The following CDH23 variants were observed in gnomAD, a reference collection of about 807,000 sequenced individuals.
The protein encoded by CDH23 is cadherin related 23.
In CDH23, 189 loss-of-function variants were observed where a neutral mutation model predicts 317.1. The ratio of observed to expected loss-of-function variants is 0.60; its 90% confidence interval spans 0.53 to 0.67. CDH23 has a LOEUF of 0.67. Among genes scored for constraint, CDH23 ranks in the 30% least tolerant of loss-of-function variants. CDH23 has a pLI of 0.00. For missense variants in CDH23, 4,401 were observed against 4,592.4 expected, an observed-to-expected ratio of 0.96 and a Z score of 1.20; for synonymous variants, 1,839 against 1,876.8, an observed-to-expected ratio of 0.98 and a Z score of 0.52.
At position 71,439,897 on chromosome 10, in the gene CDH23, G is replaced by C. The variant is rs1479271521; in HGVS notation, c.66G>C (p.Trp22Cys). 17 of 1,571,336 alleles carry C rather than the reference G, an allele frequency of 1.1e-5. No individual in the cohort carries two copies. The highest frequency in any genetic ancestry group is 1.4e-5 in the Non-Finnish European group (16 of 1,157,162). ...AWLLVLISGC[W>C]GQVNRLPFFT... ...TTTTGGTGCTGATCTCTGGATGCTG[G>C]GGTAAGTCCAGTCCTCCCCGTGTCT... Residue 22 changes from tryptophan to cysteine, a missense_variant and splice_region_variant, in exon 2 of 70, where the codon TGG (tryptophan) becomes TGC (cysteine). Physicochemically the swap from Trp to Cys is radical, Grantham distance 215. Around this residue, in one of 3 missense-constraint regions of CDH23, gnomAD observed 3,068 missense variants for 3,203.3 expected, o/e 0.96. Transcript: ENST00000224721.
intron 3 of CDH23, among the ~76,000 whole-genome samples, chr10:71,504,561 C>A (rs12771159): frequency 0.28 from 42,945 of 151,954 alleles, 6,806 homozygotes; most frequent in Non-Finnish European, 0.34. Flanking sequence ...CTGCTTTCCA[C>A]CCATGAGGTT....
At chr10:71,409,584 G>A (rs976240122) in intron 1 of CDH23, among the ~76,000 whole-genome samples, 2 of 152,124 alleles carry the variant, frequency 1.3e-5, no homozygotes, top group Non-Finnish European at 2.9e-5. Flanking sequence ...TGATTTGGGA[G>A]TGGAAAGCAG....
intron 6 of CDH23, among the ~76,000 whole-genome samples, chr10:71,545,561 T>A (rs1856227617): frequency 6.6e-6 from 1 of 152,200 alleles, no homozygotes; most frequent in Non-Finnish European, 1.5e-5. Flanking sequence ...TTGCTATCAT[T>A]CATTTATTCA....
chr10:71,681,118 G>A (rs1564728887), intron 17 of CDH23, among the ~76,000 whole-genome samples: 1 of 151,950 alleles, frequency 6.6e-6, no homozygotes, highest in Non-Finnish European at 1.5e-5. Context: ...GTGAGCCACT[G>A]TGCCTGGCCC....
intron 14 of CDH23, among the ~76,000 whole-genome samples, chr10:71,654,421 G>C (rs143810576): frequency 6.6e-6 from 1 of 152,316 alleles, no homozygotes; most frequent in Non-Finnish European, 1.5e-5. Flanking sequence ...GAAGTGCTGG[G>C]GCCTTCTGTT....
intron 38 of CDH23, among the ~76,000 whole-genome samples, chr10:71,746,977 C>T (rs1002712391): frequency 2.4e-4 from 36 of 152,326 alleles, no homozygotes; most frequent in Admixed American, 2.1e-3. Flanking sequence ...TTGGACCCTG[C>T]TATTGTGAAC....
chr10:71,648,099 G>A (rs1279840643), intron 14 of CDH23, among the ~76,000 whole-genome samples: 2 of 152,208 alleles, frequency 1.3e-5, no homozygotes, highest in Non-Finnish European at 2.9e-5. Context: ...TCAAACAGAT[G>A]TTTAGCCAGT....
rs1840262908 is a variant in CDH23 at position 71,759,856 on chromosome 10, C to CACACATATAT, written c.4846-17819_4846-17818insTATATACACA. On this transcript the variant is annotated intron_variant, in intron 38 of 69. Coordinates refer to ENST00000224721, the MANE Select transcript of CDH23 (RefSeq NM_022124.6). ...ACACACACACACACACATATACACA[C>CACACATATAT]ACACACACATATATATACACACACA... is the stretch of plus-strand genomic sequence containing the variant. Among the ~76,000 whole-genome samples, 40 of 111,772 alleles carry CACACATATAT rather than the reference C, an allele frequency of 3.6e-4. 6 individuals are homozygous for CACACATATAT. The highest frequency in any genetic ancestry group is 5.6e-4 in the Non-Finnish European group (28 of 49,694). 73.3% of individuals were successfully genotyped at this position (111,772 alleles called of 152,430 possible). A position where few individuals can be genotyped will look rare whatever the true frequency, so the allele number is the denominator to read the frequency against.
intron 41 of CDH23, among the ~76,000 whole-genome samples, chr10:71,783,338 C>T (rs575239561): frequency 6.6e-6 from 1 of 152,218 alleles, no homozygotes; most frequent in African/African-American, 2.4e-5. Context: ...GTTCTCACCC[C>T]GCCCCGGTCA....
intron 11 of CDH23, 117 bp downstream of exon 11, chr10:71,617,510 C>T: frequency 4.0e-6 from 6 of 1,517,606 alleles, no homozygotes; most frequent in Non-Finnish European, 5.3e-6. Flanking sequence ...GCACCCCACT[C>T]CTGGTAGGTT....
Position 71,659,816 on chromosome 10 carries a change from T to A in CDH23, c.1449+13199T>A, listed in dbSNP as rs564184590. Among the ~76,000 whole-genome samples the A allele has an allele frequency of 2.6e-5, 4 of 152,294 alleles. No homozygotes were observed. In the East Asian group the frequency reaches 5.8e-4, roughly 22 times the overall value. The stretch of plus-strand genomic sequence containing the variant: ...GAGCCTTCTCTGCTTCACCATCTGA[T>A]GAGGAGGAGGAAGGTAGTATCAACT... On this transcript the variant is annotated intron_variant, in intron 14 of 69. Coordinates refer to ENST00000224721, the MANE Select transcript of CDH23 (RefSeq NM_022124.6).
At chr10:71,526,464 G>T (rs1398319966) in intron 6 of CDH23, among the ~76,000 whole-genome samples, 1 of 152,224 alleles carries the variant, frequency 6.6e-6, no homozygotes, top group African/African-American at 2.4e-5. Context: ...ATGGAAAAGG[G>T]CTGCCTGAAG....
At chr10:71,445,448 G>A (rs1309849731) in intron 2 of CDH23, among the ~76,000 whole-genome samples, 1 of 152,208 alleles carries the variant, frequency 6.6e-6, no homozygotes, top group Non-Finnish European at 1.5e-5. Flanking sequence ...ACCAAGCCCT[G>A]TCCTTGCAGA....
chr10:71,637,680 T>G lies in CDH23; in HGVS notation c.1135-6181T>G, dbSNP rs371845777. ...GACCCGAGTTGGGGACAGGGTTGGT[T>G]TTGGTGAGGGCAGCACTGACTCTGG... On this transcript the variant is annotated intron_variant, in intron 11 of 69. Coordinates refer to ENST00000224721, the MANE Select transcript of CDH23 (RefSeq NM_022124.6). 9.2e-5 allele frequency among the ~76,000 whole-genome samples: 14 copies of G among 152,124 alleles called. 1 individual carries two copies. The highest frequency in any genetic ancestry group is 4.6e-4 in the Admixed American group (7 of 15,270).
chr10:71,689,659 C>T (rs898812302), intron 19 of CDH23, among the ~76,000 whole-genome samples: 2 of 152,226 alleles, frequency 1.3e-5, no homozygotes, highest in East Asian at 3.8e-4. Context: ...TGGGGCTCAG[C>T]CTGTGGCCTC....
In CDH23 at chr10:71,702,530, C is replaced by G. The variant is rs746655362; in HGVS notation, c.2588-19C>G. On this transcript the variant is annotated intron_variant, in intron 23 of 69. Transcript: ENST00000224721. ...CATCTTACCCTGTCCTTGGCCCCTT[C>G]TCGCCCTGGTCTTCCCAGGTGGCAG... The G allele has an allele frequency of 2.0e-5, 33 of 1,613,782 alleles. No individual in the cohort carries two copies. Among genetic ancestry groups the G allele is most frequent in the Non-Finnish European group, 2.5e-5 (29 of 1,179,844 alleles).
intron 6 of CDH23, among the ~76,000 whole-genome samples, chr10:71,548,521 G>A (rs1249780674): frequency 6.6e-6 from 1 of 152,154 alleles, no homozygotes; most frequent in Non-Finnish European, 1.5e-5. Flanking sequence ...AAGAGGTAAT[G>A]TAGAGCCCCA....
intron 9 of CDH23, among the ~76,000 whole-genome samples, chr10:71,594,548 A>AT (rs527673002): frequency 1.3e-5 from 2 of 151,944 alleles, no homozygotes; most frequent in African/African-American, 4.8e-5. Flanking sequence ...TAATTTTTGT[A>AT]TTTTTTTAGT....
At chr10:71,738,317 G>A (rs1839625617) in intron 34 of CDH23, among the ~76,000 whole-genome samples, 181 bp from the exon 35 acceptor site, 1 of 152,144 alleles carries the variant, frequency 6.6e-6, no homozygotes, top group East Asian at 1.9e-4. Flanking sequence ...CAGACTGCTA[G>A]GAGCCATGGG....
Sources: gnomAD v4.1 joint callset for allele counts (sites outside exome capture counted in the v4.1 genomes callset) on GRCh38, gnomAD v4.1.1 for gene constraint, gnomAD v4.1.1 regional missense constraint, MANE v1.5 for transcripts, NCBI Gene and HGNC (gene_info 2026-07-23, HGNC 2026-07-21) for gene names.